Variants in CAMK1D observed in about 807,000 individuals in gnomAD.
The protein encoded by CAMK1D is calcium/calmodulin dependent protein kinase ID.
A neutral mutation model predicts 47.7 loss-of-function variants in CAMK1D; 9 were observed. The observed-to-expected ratio is 0.19, with a 90% CI of 0.11 to 0.33. CAMK1D has a LOEUF of 0.33. Ranked by LOEUF, CAMK1D falls within the 10% of genes least tolerant of loss-of-function variation. The pLI is 1.00. For missense variants in CAMK1D, 291 were observed against 488.7 expected, an observed-to-expected ratio of 0.60 and a Z score of 3.81; for synonymous variants, 184 against 184.9, an observed-to-expected ratio of 0.99 and a Z score of 0.04.
intron 1 of CAMK1D, among the ~76,000 whole-genome samples, chr10:12,552,475 A>G (rs944945729): frequency 6.6e-6 from 1 of 152,188 alleles, no homozygotes; most frequent in Admixed American, 6.5e-5. Flanking sequence ...AATTTCCTCT[A>G]GATGAAAAAG....
chr10:12,674,549 T>C (rs1840733218), intron 3 of CAMK1D, among the ~76,000 whole-genome samples: 1 of 151,520 alleles, frequency 6.6e-6, no homozygotes, highest in South Asian at 2.1e-4. Context: ...AGAGTCTTAA[T>C]TGTTTCCAGG....
At position 12,796,761 on chromosome 10, in the gene CAMK1D, C is replaced by T. The variant is rs145360940; in HGVS notation, c.641+5528C>T. 1.5e-3 allele frequency among the ~76,000 whole-genome samples: 231 copies of T among 152,188 alleles called. 1 individual carries two copies. The highest frequency in any genetic ancestry group is 5.1e-3 in the African/African-American group (213 of 41,524). ...TTCATGAGCTTTGTGAGGTGGGGCA[C>T]GGTGCCTCATTCAGGCCACTGTGGG... On this transcript the variant is annotated intron_variant, in intron 6 of 10. Coordinates refer to ENST00000619168, the MANE Select transcript of CAMK1D (RefSeq NM_153498.4).
intron 9 of CAMK1D, 71 bp from the exon 10 acceptor site, chr10:12,825,502 A>G (rs1833168465): frequency 6.9e-7 from 1 of 1,445,524 alleles, no homozygotes; most frequent in Admixed American, 1.9e-5. Context: ...GTGATAAACA[A>G]GAGAACACAG....
chr10:12,662,391 C>T (rs1407211234), intron 2 of CAMK1D, among the ~76,000 whole-genome samples: 2 of 152,148 alleles, frequency 1.3e-5, no homozygotes, highest in African/African-American at 4.8e-5. Context: ...CAATGGCTCA[C>T]GCCTGTAATC....
intron 3 of CAMK1D, among the ~76,000 whole-genome samples, chr10:12,685,117 A>G (rs1349050094): frequency 1.3e-5 from 2 of 152,242 alleles, no homozygotes; most frequent in African/African-American, 2.4e-5. Context: ...TATGGCCAAC[A>G]TGGTGAAACC....
At chr10:12,485,373 C>T (rs1027853005) in intron 1 of CAMK1D, among the ~76,000 whole-genome samples, 18 of 152,100 alleles carry the variant, frequency 1.2e-4, no homozygotes, top group Non-Finnish European at 2.4e-4. Flanking sequence ...TGGAGCTCCT[C>T]GTGCCCCCTG....
chr10:12,734,519 C>T (rs1319524695), intron 3 of CAMK1D, among the ~76,000 whole-genome samples: 110 of 143,926 alleles, frequency 7.6e-4, no homozygotes, highest in African/African-American at 2.4e-3. Flanking sequence ...CATATATATA[C>T]ACGTATATAT....
chr10:12,791,543 T>C (rs991648029), intron 6 of CAMK1D, among the ~76,000 whole-genome samples: 4 of 152,160 alleles, frequency 2.6e-5, no homozygotes, highest in African/African-American at 9.7e-5. Flanking sequence ...ACTTGACTCT[T>C]CTGGGGACCT....
At chr10:12,667,848 C>T (rs960076504) in intron 3 of CAMK1D, among the ~76,000 whole-genome samples, 7 of 152,260 alleles carry the variant, frequency 4.6e-5, no homozygotes, top group South Asian at 2.1e-4. Flanking sequence ...AAGTGTTCAT[C>T]GGTGCATTTA....
At chr10:12,516,946 T>C (rs1194406549) in intron 1 of CAMK1D, among the ~76,000 whole-genome samples, 1 of 152,260 alleles carries the variant, frequency 6.6e-6, no homozygotes, top group African/African-American at 2.4e-5. Flanking sequence ...GAATTGGGAT[T>C]GCATCGAATC....
rs1007306286 is a variant in CAMK1D at position 12,364,499 on chromosome 10, T to C, written c.92+14589T>C. On this transcript the variant is annotated intron_variant, in intron 1 of 10. Transcript: ENST00000619168. ...CTCAGGTGATCCGCCCACCTAGGCC[T>C]CCCGAAGTACTAGGATTACAGGCCT... is the stretch of plus-strand genomic sequence containing the variant. Among the ~76,000 whole-genome samples, 4 of 152,120 alleles carry C rather than the reference T, an allele frequency of 2.6e-5. No individual in the cohort carries two copies. The East Asian group carries it at 7.7e-4, about 29-fold the overall frequency.
chr10:12,506,505 T>G (rs1834876025), intron 1 of CAMK1D, among the ~76,000 whole-genome samples: 2 of 151,708 alleles, frequency 1.3e-5, no homozygotes, highest in African/African-American at 4.8e-5. Flanking sequence ...AGATCTGGGC[T>G]CTCTCTTTCT....
At chr10:12,734,367 T>G (rs78056244) in intron 3 of CAMK1D, among the ~76,000 whole-genome samples, 90 of 6,926 alleles carry the variant, frequency 0.013, 1 homozygote, top group South Asian at 0.032. Context: ...TATATATATA[T>G]ATATATATAT....
intron 2 of CAMK1D, among the ~76,000 whole-genome samples, chr10:12,583,438 T>C (rs1325134062): frequency 1.3e-5 from 2 of 152,174 alleles, no homozygotes; most frequent in African/African-American, 2.4e-5. Context: ...TTTTTCTTAA[T>C]AGGAAAATCC....
chr10:12,441,175 A>AT (rs1185123531), intron 1 of CAMK1D, among the ~76,000 whole-genome samples: 2 of 152,188 alleles, frequency 1.3e-5, no homozygotes, highest in African/African-American at 4.8e-5. Context: ...GAAGGCTCTC[A>AT]TGTCACATAT....
intron 2 of CAMK1D, among the ~76,000 whole-genome samples, chr10:12,592,547 A>C (rs1357439396): frequency 6.6e-6 from 1 of 152,062 alleles, no homozygotes; most frequent in Non-Finnish European, 1.5e-5. Flanking sequence ...CTGTCAGCCC[A>C]CCCAACCCCC....
chr10:12,809,221 T>C (rs551513768), intron 6 of CAMK1D, among the ~76,000 whole-genome samples: 2 of 152,328 alleles, frequency 1.3e-5, no homozygotes, highest in South Asian at 4.1e-4. Context: ...TGATTTGCAC[T>C]TCCCTGATGA....
chr10:12,623,908 G>A (rs772753475), intron 2 of CAMK1D, among the ~76,000 whole-genome samples: 8 of 151,962 alleles, frequency 5.3e-5, no homozygotes, highest in Non-Finnish European at 8.8e-5. Flanking sequence ...GTGAAACCCC[G>A]TCTCTACTAA....
At chr10:12,615,718 G>A (rs932264506) in intron 2 of CAMK1D, among the ~76,000 whole-genome samples, 2 of 151,332 alleles carry the variant, frequency 1.3e-5, no homozygotes, top group African/African-American at 4.9e-5. Flanking sequence ...AGATGTGTAG[G>A]TGTGAGTGTG....
Sources: gnomAD v4.1 joint callset for allele counts (sites outside exome capture counted in the v4.1 genomes callset) on GRCh38, gnomAD v4.1.1 for gene constraint, MANE v1.5 for transcripts, NCBI Gene and HGNC (gene_info 2026-07-23, HGNC 2026-07-21) for gene names.